MCTP1: variants seen among roughly 807,000 people sequenced by gnomAD.
MCTP1 encodes the protein multiple C2 and transmembrane domain-containing protein 1.
MCTP1 carries 69 observed loss-of-function variants against 120.6 expected under a neutral mutation model. The observed-to-expected ratio is 0.57, with a 90% confidence interval of 0.47 to 0.70. MCTP1 has a LOEUF of 0.70. Ranked by LOEUF, MCTP1 falls within the 30% of genes least tolerant of loss-of-function variation. MCTP1 has a pLI of 0.00. For missense variants in MCTP1, 1,203 were observed against 1,248.8 expected (o/e 0.96, Z 0.55); for synonymous variants, 529 against 493.1 (o/e 1.07, Z -0.96).
intron 1 of MCTP1, among the ~76,000 whole-genome samples, chr5:95,244,947 G>A (rs1756589789): frequency 6.6e-6 from 1 of 152,146 alleles, no homozygotes; most frequent in Non-Finnish European, 1.5e-5. Context: ...CAAACAGGCA[G>A]GTGCCCCTCT....
intron 1 of MCTP1, among the ~76,000 whole-genome samples, chr5:95,194,265 G>C (rs889892058): frequency 1.3e-5 from 2 of 151,940 alleles, no homozygotes; most frequent in African/African-American, 4.8e-5. Flanking sequence ...AAAGAGAAGA[G>C]AAGAGAAAAC....
chr5:94,938,640 T>C (rs1012689722), intron 5 of MCTP1, among the ~76,000 whole-genome samples: 1 of 152,068 alleles, frequency 6.6e-6, no homozygotes, highest in Non-Finnish European at 1.5e-5. Context: ...CAGTGACTAA[T>C]TGATTCCTGG....
At chr5:94,971,801 T>C (rs1209946506) in intron 2 of MCTP1, among the ~76,000 whole-genome samples, 1 of 152,184 alleles carries the variant, frequency 6.6e-6, no homozygotes, top group Admixed American at 6.6e-5. Flanking sequence ...AGGTTAAAAA[T>C]AAACTTCTAT....
At chr5:95,074,714 A>G (rs1307610977) in intron 1 of MCTP1, among the ~76,000 whole-genome samples, 1 of 152,184 alleles carries the variant, frequency 6.6e-6, no homozygotes, top group Non-Finnish European at 1.5e-5. Flanking sequence ...TCTAGGTAGA[A>G]TCTATGGTTC....
intron 17 of MCTP1, among the ~76,000 whole-genome samples, chr5:94,864,134 C>G (rs1292244838): frequency 6.6e-6 from 1 of 151,790 alleles, no homozygotes; most frequent in African/African-American, 2.4e-5. Flanking sequence ...CAAGGAAAAC[C>G]TAGGGAGAGA....
intron 1 of MCTP1, among the ~76,000 whole-genome samples, chr5:95,178,525 A>T (rs1293947790): frequency 6.6e-6 from 1 of 152,200 alleles, no homozygotes; most frequent in Admixed American, 6.5e-5. Flanking sequence ...CCTTAGTACC[A>T]GCTCAGAGCC....
At chr5:94,819,961 A>G (rs1030444944) in intron 17 of MCTP1, among the ~76,000 whole-genome samples, 1 of 152,202 alleles carries the variant, frequency 6.6e-6, no homozygotes, top group African/African-American at 2.4e-5. Flanking sequence ...GTTATCTTGA[A>G]TTGGGTTTTG....
At chr5:95,227,183 T>G (rs1374814031) in intron 1 of MCTP1, among the ~76,000 whole-genome samples, 1 of 152,220 alleles carries the variant, frequency 6.6e-6, no homozygotes, top group African/African-American at 2.4e-5. Flanking sequence ...TCAGAAGATG[T>G]GATTAGGCTA....
intron 10 of MCTP1, 39 bp downstream of exon 10, chr5:94,909,212 T>C: frequency 1.3e-6 from 2 of 1,594,864 alleles, no homozygotes; most frequent in African/African-American, 2.7e-5. Context: ...TTAATAAAAA[T>C]GCTCTAGGAG....
At chr5:94,739,803 G>C (rs1042309875) in intron 19 of MCTP1, among the ~76,000 whole-genome samples, 1 of 152,280 alleles carries the variant, frequency 6.6e-6, no homozygotes, top group East Asian at 1.9e-4. Flanking sequence ...GAGTAGCTGG[G>C]ATTACTGATG....
intron 12 of MCTP1, among the ~76,000 whole-genome samples, chr5:94,885,494 A>C (rs1256096403): frequency 6.6e-6 from 1 of 152,150 alleles, no homozygotes; most frequent in African/African-American, 2.4e-5. Flanking sequence ...TGAGGCAAAA[A>C]TTAGGCCCTG....
At chr5:95,088,377 A>G (rs764640624) in intron 1 of MCTP1, among the ~76,000 whole-genome samples, 10 of 152,262 alleles carry the variant, frequency 6.6e-5, no homozygotes, top group Non-Finnish European at 1.3e-4. Context: ...AATTGAAGAT[A>G]CGCCTTAAGG....
chr5:95,179,929 T>C (rs1393585592), intron 1 of MCTP1, among the ~76,000 whole-genome samples: 2 of 151,926 alleles, frequency 1.3e-5, no homozygotes, highest in Non-Finnish European at 2.9e-5. Context: ...TCACATAAAC[T>C]TAAGGTAAAG....
At chr5:94,939,609 CAAG>C (rs1175510881) in intron 5 of MCTP1, among the ~76,000 whole-genome samples, 2 of 151,910 alleles carry the variant, frequency 1.3e-5, no homozygotes, top group Non-Finnish European at 2.9e-5. Context: ...GAAAGCCCAT[CAAG>C]AAGATGAAAA....
chr5:95,261,042 T>C (rs1309719443), intron 1 of MCTP1, among the ~76,000 whole-genome samples: 1 of 152,204 alleles, frequency 6.6e-6, no homozygotes, highest in African/African-American at 2.4e-5. Context: ...GAAGCTGAAG[T>C]CCCATTAGAC....
intron 19 of MCTP1, among the ~76,000 whole-genome samples, chr5:94,730,899 C>A (rs1762989802): frequency 6.6e-6 from 1 of 151,714 alleles, no homozygotes; most frequent in Non-Finnish European, 1.5e-5. Flanking sequence ...GTTAGCATCT[C>A]CAGCCAAAGA....
At chr5:95,055,808 A>G (rs1747237902) in intron 1 of MCTP1, among the ~76,000 whole-genome samples, 1 of 152,178 alleles carries the variant, frequency 6.6e-6, no homozygotes, top group Non-Finnish European at 1.5e-5. Context: ...AATAATATCT[A>G]CTGGGCAGGG....
intron 19 of MCTP1, among the ~76,000 whole-genome samples, chr5:94,732,949 T>G (rs539557419): frequency 3.5e-4 from 53 of 152,336 alleles, no homozygotes; most frequent in African/African-American, 1.3e-3. Context: ...TCAGGTATGG[T>G]TTATAAAATT....
At chr5:95,139,248 A>C (rs948208160) in intron 1 of MCTP1, among the ~76,000 whole-genome samples, 2 of 152,256 alleles carry the variant, frequency 1.3e-5, no homozygotes, top group Non-Finnish European at 2.9e-5. Flanking sequence ...AAAACAAAGA[A>C]AATAGAGCTG....
Sources: gnomAD v4.1 joint callset for allele counts (sites outside exome capture counted in the v4.1 genomes callset) on GRCh38, gnomAD v4.1.1 for gene constraint, MANE v1.5 for transcripts, NCBI Gene and HGNC (gene_info 2026-07-23, HGNC 2026-07-21) for gene names.